Variants in PAFAH1B1 observed in about 807,000 individuals in gnomAD.
PAFAH1B1 encodes platelet activating factor acetylhydrolase 1b regulatory subunit 1.
Under a neutral mutation model 57.5 loss-of-function variants are expected in PAFAH1B1, and 2 were observed. The observed-to-expected ratio is 0.03, with a 90% CI of 0.01 to 0.11. The LOEUF (loss-of-function observed/expected upper bound fraction) is 0.11, where lower values mean the gene tolerates loss of function less well. PAFAH1B1 is among the 10% of genes least tolerant of loss of function. The pLI, the probability that PAFAH1B1 is intolerant of heterozygous loss-of-function variation, is 1.00. For synonymous variants in PAFAH1B1, 152 were observed against 169.6 expected, an observed-to-expected ratio of 0.90 and a Z score of 0.81; for missense variants, 257 against 512.0, an observed-to-expected ratio of 0.50 and a Z score of 4.81.
At chr17:2,666,326 G>A (rs2301165) in intron 4 of PAFAH1B1, among the ~76,000 whole-genome samples, 1 of 152,266 alleles carries the variant, frequency 6.6e-6, no homozygotes, top group Non-Finnish European at 1.5e-5. Flanking sequence ...TTGAGGAATT[G>A]ATACTGAAAG....
intron 1 of PAFAH1B1, among the ~76,000 whole-genome samples, chr17:2,600,394 A>AC (rs2068127656): frequency 6.6e-6 from 1 of 151,614 alleles, no homozygotes; most frequent in African/African-American, 2.4e-5. Context: ...ATGTGGTGAA[A>AC]CCCTGTCTCT....
At chr17:2,672,524 G>A (rs527905917) in intron 6 of PAFAH1B1, 131 bp from the exon 7 acceptor site, 12 of 681,590 alleles carry the variant, frequency 1.8e-5, no homozygotes, top group Non-Finnish European at 2.9e-5. Flanking sequence ...TATCCAATTT[G>A]TATAAAATCC....
At chr17:2,602,778 G>A (rs2068159860) in intron 1 of PAFAH1B1, among the ~76,000 whole-genome samples, 1 of 152,138 alleles carries the variant, frequency 6.6e-6, no homozygotes, top group African/African-American at 2.4e-5. Context: ...AATACGCCAG[G>A]CTCTGTTTTA....
At chr17:2,606,810 C>CT (rs770011553) in intron 1 of PAFAH1B1, among the ~76,000 whole-genome samples, 2,069 of 101,684 alleles carry the variant, frequency 0.02, 289 homozygotes, top group Non-Finnish European at 0.025. Context: ...TGCCTCAGAG[C>CT]TTTTTTTTTT....
At chr17:2,597,652 G>A (rs370287323) in intron 1 of PAFAH1B1, among the ~76,000 whole-genome samples, 2 of 151,078 alleles carry the variant, frequency 1.3e-5, no homozygotes, top group Non-Finnish European at 3.0e-5. Flanking sequence ...CTCGTGATCC[G>A]CCCGCCTCTG....
rs1045041647 is a variant in PAFAH1B1, at chr17:2,645,665, G to GT, written c.32+7346dup. Among the ~76,000 whole-genome samples, 210 of 150,198 alleles carry GT rather than the reference G, an allele frequency of 1.4e-3. 1 individual carries two copies. Among genetic ancestry groups the GT allele is most frequent in the African/African-American group, 4.7e-3 (195 of 41,104 alleles). On this transcript the variant is annotated intron_variant, in intron 2 of 10. Coordinates refer to ENST00000397195, the MANE Select transcript of PAFAH1B1 (RefSeq NM_000430.4). ...GTCTCGCTCTGTCCCCCAGGCTGGA[G>GT]TGCAGTGGCACGATCTCAGCTCACT...
At chr17:2,595,421 CTT>C (rs71377513) in intron 1 of PAFAH1B1, among the ~76,000 whole-genome samples, 1,446 of 123,892 alleles carry the variant, frequency 0.012, 30 homozygotes, top group African/African-American at 0.039. Context: ...GGAGTGTTTG[CTT>C]TTTTTTTTTT....
chr17:2,628,195 T>A (rs146113696), intron 1 of PAFAH1B1, among the ~76,000 whole-genome samples: 1 of 152,214 alleles, frequency 6.6e-6, no homozygotes, highest in Non-Finnish European at 1.5e-5. Flanking sequence ...CCCCTTTCAT[T>A]ATTATGTTGG....
At chr17:2,620,098 G>C (rs1033812856) in intron 1 of PAFAH1B1, among the ~76,000 whole-genome samples, 1 of 152,034 alleles carries the variant, frequency 6.6e-6, no homozygotes, top group Non-Finnish European at 1.5e-5. Flanking sequence ...TTTCATAAAT[G>C]CTACTTGATA....
At position 2,593,747 on chromosome 17, in the gene PAFAH1B1, C is replaced by G. The variant is rs2068049384; in HGVS notation, c.-450C>G. ...AGCAGCGACACGGGAGTCTAGGGAG[C>G]GAGAAGGAGAAGGAGGGGAGCGCTC... On this transcript the variant is annotated 5_prime_UTR_variant, in exon 1 of 11. Transcript: ENST00000397195. 2 of 377,646 alleles carry G rather than the reference C, an allele frequency of 5.3e-6. No homozygotes were observed. The highest frequency in any genetic ancestry group is 9.4e-6 in the Non-Finnish European group (2 of 213,194). The allele number at this position is 377,646 out of a possible 1,614,324, so 23.4% of individuals were successfully genotyped here.
chr17:2,612,094 G>A (rs989728946), intron 1 of PAFAH1B1, among the ~76,000 whole-genome samples: 5 of 151,982 alleles, frequency 3.3e-5, no homozygotes, highest in Admixed American at 2.0e-4. Context: ...GTATCTTGGT[G>A]TGACGATTTA....
At chr17:2,639,462 A>G (rs2068668624) in intron 2 of PAFAH1B1, 1 of 152,020 alleles carries the variant, frequency 6.6e-6, no homozygotes, top group African/African-American at 2.4e-5. Flanking sequence ...AAATGGTTTG[A>G]CCTCTTCTGT....
intron 1 of PAFAH1B1, among the ~76,000 whole-genome samples, chr17:2,594,921 G>C (rs1208385447): frequency 6.6e-6 from 1 of 152,202 alleles, no homozygotes; most frequent in Non-Finnish European, 1.5e-5. Context: ...CGTAGCAGTA[G>C]AGGGGAAGAG....
chr17:2,629,871 A>G (rs1382856350), intron 1 of PAFAH1B1, among the ~76,000 whole-genome samples: 1 of 152,082 alleles, frequency 6.6e-6, no homozygotes, highest in East Asian at 1.9e-4. Context: ...TGTTGCTTTA[A>G]AATTTGTTTT....
At chr17:2,612,356 A>G (rs2151615614) in intron 1 of PAFAH1B1, among the ~76,000 whole-genome samples, 1 of 151,918 alleles carries the variant, frequency 6.6e-6, no homozygotes, top group East Asian at 1.9e-4. Context: ...GGCGCGCACC[A>G]CCACGCCTGG....
At chr17:2,664,733 C>T (rs1188932588) in intron 2 of PAFAH1B1, among the ~76,000 whole-genome samples, 5 of 149,736 alleles carry the variant, frequency 3.3e-5, no homozygotes, top group African/African-American at 9.9e-5. Flanking sequence ...TTTTTGGTCC[C>T]GAGCATTTTG....
intron 1 of PAFAH1B1, among the ~76,000 whole-genome samples, chr17:2,607,691 G>A (rs1330483623): frequency 6.6e-6 from 1 of 151,590 alleles, no homozygotes; most frequent in Non-Finnish European, 1.5e-5. Context: ...ACCATGTTGG[G>A]GCCAGGCTGG....
chr17:2,653,720 T>A (rs1261184521), intron 2 of PAFAH1B1, among the ~76,000 whole-genome samples: 1 of 152,102 alleles, frequency 6.6e-6, no homozygotes, highest in Non-Finnish European at 1.5e-5. Flanking sequence ...AACTATAATC[T>A]AAATTTCAGA....
In PAFAH1B1 at chr17:2,667,965, G is replaced by C. The variant is rs549203358; in HGVS notation, c.399+767G>C. ...GATAGTTGCAATATAGGTAGATTTA[G>C]GTAGATGCCTCTATCCTAAGGGTTA... On this transcript the variant is annotated intron_variant, in intron 5 of 10. Transcript: ENST00000397195. Among the ~76,000 whole-genome samples the C allele has an allele frequency of 1.5e-3, 226 of 151,984 alleles. 6 individuals are homozygous for C. The highest frequency in any genetic ancestry group is 5.1e-3 in the African/African-American group (212 of 41,286).
Sources: allele counts gnomAD v4.1 joint callset (sites outside exome capture counted in the v4.1 genomes callset), GRCh38; gene constraint gnomAD v4.1.1; transcripts MANE v1.5; gene names NCBI Gene and HGNC (gene_info 2026-07-23, HGNC 2026-07-21).